Variants in CHD9 observed in about 807,000 individuals in gnomAD.
CHD9 encodes the protein ATP-dependent chromatin remodeler CHD9.
A neutral mutation model predicts 316.1 loss-of-function variants in CHD9; 77 were observed. That is an observed-to-expected ratio of 0.24 (90% CI 0.20 to 0.29). The LOEUF is 0.29. CHD9 is among the 10% of genes least tolerant of loss of function. CHD9 has a pLI of 1.00. For synonymous variants in CHD9, 1,129 were observed against 1,158.3 expected, an observed-to-expected ratio of 0.97 and a Z score of 0.51; for missense variants, 2,763 against 3,438.1, an observed-to-expected ratio of 0.80 and a Z score of 4.91.
At chr16:53,141,139 C>CA (rs2040075347) in intron 1 of CHD9, among the ~76,000 whole-genome samples, 1 of 152,106 alleles carries the variant, frequency 6.6e-6, no homozygotes, top group Non-Finnish European at 1.5e-5. Context: ...AATTTGAAAA[C>CA]AGAGTGTTTA....
chr16:53,201,687 T>C (rs1296814500), intron 2 of CHD9, among the ~76,000 whole-genome samples: 2 of 152,186 alleles, frequency 1.3e-5, no homozygotes, highest in African/African-American at 4.8e-5. Context: ...CCAACAGCTG[T>C]CAATTTATAT....
intron 34 of CHD9, chr16:53,311,364 C>A: frequency 6.6e-6 from 1 of 152,106 alleles, no homozygotes; most frequent in Non-Finnish European, 1.5e-5. Flanking sequence ...TTGAGCCTTA[C>A]TTTTCCTGTT....
rs1845008008 is a variant in CHD9 at position 53,245,542 on chromosome 16, G to C, written c.3199-53G>C. The C allele has an allele frequency of 6.5e-7, 1 of 1,532,834 alleles. No individual in the cohort carries two copies. The highest frequency in any genetic ancestry group is 1.4e-5 in the African/African-American group (1 of 71,804). The allele number at this position is 1,532,834 out of a possible 1,614,324, so 95.0% of individuals were successfully genotyped here. A position where few individuals can be genotyped will look rare whatever the true frequency, so the allele number is the denominator to read the frequency against. ...TCTAATCATTGTAATTATTTTGTAT[G>C]TGTAATTAAATGCTCACTTATGTTA... is the stretch of plus-strand genomic sequence containing the variant. On this transcript the variant is annotated intron_variant, in intron 14 of 38. Coordinates refer to ENST00000447540, the MANE Select transcript of CHD9 (RefSeq NM_001308319.2). The surrounding 1 kb of genome is among the most constrained non-coding windows in gnomAD (Gnocchi z 4.1).
rs746184033 is a variant in CHD9 at position 53,238,406 on chromosome 16, C to G, written c.2697C>G (p.Leu899=). The G allele has an allele frequency of 1.2e-6, 2 of 1,612,756 alleles. No homozygotes were observed. The highest frequency in any genetic ancestry group is 1.7e-6 in the Non-Finnish European group (2 of 1,179,112). Residue 899 remains leucine, a synonymous_variant, in exon 12 of 39, where the codon CTC becomes CTG. Coordinates refer to ENST00000447540, the MANE Select transcript of CHD9 (RefSeq NM_001308319.2). ...AAACTATTCAATCAATTACATTCCT[C>G]TATGAAATCCTTCTGACTGGTATAA... ...LGKTIQSITF[L]YEILLTGIRG...
chr16:53,060,922 T>TTTTTA (rs1389081639), intron 1 of CHD9, among the ~76,000 whole-genome samples: 1 of 129,352 alleles, frequency 7.7e-6, no homozygotes, highest in East Asian at 2.3e-4. Flanking sequence ...TGTTGTCTCT[T>TTTTTA]TTTTTTTTTT....
intron 2 of CHD9, among the ~76,000 whole-genome samples, chr16:53,201,399 T>G (rs1332218123): frequency 6.6e-6 from 1 of 151,542 alleles, no homozygotes; most frequent in Non-Finnish European, 1.5e-5. Context: ...AACCACTTAG[T>G]ACCCCTATGT....
chr16:53,174,119 CA>C (rs544859682), intron 2 of CHD9, among the ~76,000 whole-genome samples: 9 of 151,946 alleles, frequency 5.9e-5, no homozygotes, highest in African/African-American at 2.2e-4. Context: ...CCACTCTCTA[CA>C]AAAAAATACA....
chr16:53,307,752 A>C lies in CHD9; in HGVS notation c.6852A>C (p.Arg2284Ser). 2.5e-6 allele frequency: 4 copies of C among 1,612,754 alleles called. No individual in the cohort carries two copies. Among genetic ancestry groups the C allele is most frequent in the Non-Finnish European group, 3.4e-6 (4 of 1,179,374 alleles). Residue 2284 changes from arginine (R) to serine (S), a missense_variant, in exon 33 of 39, where the codon AGA becomes AGC. This residue lies in a region of CHD9 where 663 missense variants were observed against 751.2 expected (regional missense o/e 0.88). Transcript: ENST00000447540. Reference sequence around the variant, plus strand: ...TGAAAGGAAAGTGGCCTTCAGCTAGAAGAAGTTATGATGCTAACACAGTGG... The same window carrying C: ...TGAAAGGAAAGTGGCCTTCAGCTAGCAGAAGTTATGATGCTAACACAGTGG... ...TVLKGKWPSA[R>S]RSYDANTVAS...
rs1271531155 is a variant in CHD9 at position 53,324,516 on chromosome 16, GT to G, written c.8317del (p.Ser2773LeufsTer10). 5 of 1,613,806 alleles carry G rather than the reference GT, an allele frequency of 3.1e-6. No homozygotes were observed. Among genetic ancestry groups the G allele is most frequent in the Middle Eastern group, 3.3e-4 (2 of 6,084 alleles). ...SENGGENSVSSSPSTSSTAAL... is the reference protein window; with the variant it reads ...SENGGENSVSXSPSTSSTAAL... ...AATGGTGGAGAAAACTCTGTGTCAAGTTCTCCTTCCACATCCTCTACTGCTG... is the reference window on the plus strand; with the variant it reads ...AATGGTGGAGAAAACTCTGTGTCAAGTCTCCTTCCACATCCTCTACTGCTG... On this transcript the variant is annotated frameshift_variant, in exon 39 of 39. Transcript: ENST00000447540. LOFTEE classifies it high-confidence loss of function.
chr16:53,095,593 T>C lies in CHD9; in HGVS notation c.-165+40516T>C, dbSNP rs1432082706. Among the ~76,000 whole-genome samples the C allele has an allele frequency of 7.2e-5, 11 of 152,292 alleles. No homozygotes were observed. The East Asian group carries it at 2.1e-3, about 29-fold the overall frequency. On this transcript the variant is annotated intron_variant, in intron 1 of 38. Coordinates refer to ENST00000447540, the MANE Select transcript of CHD9 (RefSeq NM_001308319.2). ...TAAAACAAAAAAGAATATCCTGCTATATGCAGCTTTCTTGGGTATACTTTT... is the reference window on the plus strand; with the variant it reads ...TAAAACAAAAAAGAATATCCTGCTACATGCAGCTTTCTTGGGTATACTTTT...
intron 24 of CHD9, among the ~76,000 whole-genome samples, chr16:53,283,148 C>G (rs2053567161): frequency 6.6e-6 from 1 of 152,162 alleles, no homozygotes; most frequent in Non-Finnish European, 1.5e-5. Context: ...AACATTGACT[C>G]AGCCTTTCAT....
intron 1 of CHD9, among the ~76,000 whole-genome samples, chr16:53,117,561 C>T (rs1333602273): frequency 6.6e-6 from 1 of 151,886 alleles, no homozygotes; most frequent in Admixed American, 6.6e-5. Context: ...ATTACAGGCA[C>T]CCACCACCAT....
At chr16:53,140,416 C>CAAA (rs544725340) in intron 1 of CHD9, among the ~76,000 whole-genome samples, 27,795 of 98,752 alleles carry the variant, frequency 0.28, 3,462 homozygotes, top group Middle Eastern at 0.38. Flanking sequence ...AACTCTGTCT[C>CAAA]AAAAAAAAAA....
At chr16:53,283,758 TGAG>T (rs1403322123) in intron 24 of CHD9, among the ~76,000 whole-genome samples, 1 of 152,170 alleles carries the variant, frequency 6.6e-6, no homozygotes, top group African/African-American at 2.4e-5. Flanking sequence ...TTTTCTAAAC[TGAG>T]CTAAAAAATG....
At chr16:53,187,469 C>A (rs1046950028) in intron 2 of CHD9, among the ~76,000 whole-genome samples, 3 of 152,036 alleles carry the variant, frequency 2.0e-5, no homozygotes, top group Non-Finnish European at 2.9e-5. Flanking sequence ...TCACACCACT[C>A]ACTGCAGCCT....
chr16:53,164,898 G>A (rs1398710687), intron 2 of CHD9, among the ~76,000 whole-genome samples: 4 of 151,988 alleles, frequency 2.6e-5, no homozygotes, highest in African/African-American at 9.7e-5. Flanking sequence ...CAAGTGATCT[G>A]CCCTTCTTGG....
chr16:53,205,434 A>G (rs549008010), intron 2 of CHD9, among the ~76,000 whole-genome samples: 1 of 152,270 alleles, frequency 6.6e-6, no homozygotes, highest in African/African-American at 2.4e-5. Context: ...AACCAAAAAT[A>G]CAATTAAGTA....
intron 16 of CHD9, chr16:53,248,015 A>T (rs1440709357): frequency 6.5e-6 from 1 of 152,718 alleles, no homozygotes; most frequent in African/African-American, 2.4e-5. Context: ...GGTACATCAC[A>T]ATAAGATAGT....
chr16:53,076,724 G>A (rs2034563624), intron 1 of CHD9, among the ~76,000 whole-genome samples: 1 of 151,784 alleles, frequency 6.6e-6, no homozygotes, highest in South Asian at 2.1e-4. Context: ...AGTGAGCTGA[G>A]ATCATGCCAC....
Sources: allele counts gnomAD v4.1 joint callset (sites outside exome capture counted in the v4.1 genomes callset), GRCh38; gene constraint gnomAD v4.1.1; regional missense constraint gnomAD v4.1.1; non-coding constraint Gnocchi (gnomAD v3.1); transcripts MANE v1.5; gene names NCBI Gene and HGNC (gene_info 2026-07-23, HGNC 2026-07-21).